The following EIF2B3 variants were observed in gnomAD, a reference collection of about 807,000 sequenced individuals.
EIF2B3 encodes translation initiation factor eIF2B subunit gamma.
EIF2B3 carries 20 observed loss-of-function variants against 54.1 expected under a neutral mutation model. That is an observed-to-expected ratio of 0.37 (90% CI 0.26 to 0.54). EIF2B3 has a LOEUF of 0.54. Ranked by LOEUF, EIF2B3 falls within the 20% of genes least tolerant of loss-of-function variation. EIF2B3 has a pLI of 0.86. For synonymous variants in EIF2B3, 153 were observed against 188.1 expected, an observed-to-expected ratio of 0.81 and a Z score of 1.52; for missense variants, 448 against 547.8, an observed-to-expected ratio of 0.82 and a Z score of 1.82.
intron 3 of EIF2B3, among the ~76,000 whole-genome samples, chr1:44,966,128 T>C (rs1192680766): frequency 6.7e-6 from 1 of 150,222 alleles, no homozygotes; most frequent in Non-Finnish European, 1.5e-5. Context: ...CTCTCAAAAC[T>C]AACAAACCAA....
At chr1:44,854,929 C>G (rs571412695) in intron 11 of EIF2B3, among the ~76,000 whole-genome samples, 1 of 151,838 alleles carries the variant, frequency 6.6e-6, no homozygotes, top group African/African-American at 2.4e-5. Context: ...TTTCCTGAAA[C>G]CCCTTCATGT....
In EIF2B3 at chr1:44,942,394, TA is replaced by T. The variant is rs1557696873; in HGVS notation, c.295-730del. Among the ~76,000 whole-genome samples the T allele has an allele frequency of 6.0e-4, 10 of 16,782 alleles. 1 individual carries two copies. Among genetic ancestry groups the T allele is most frequent in the Admixed American group, 1.3e-3 (2 of 1,520 alleles). The allele number at this position is 16,782 out of a possible 152,430, so 11.0% of individuals were successfully genotyped here. On this transcript the variant is annotated intron_variant, in intron 3 of 11. Coordinates refer to ENST00000360403, the MANE Select transcript of EIF2B3 (RefSeq NM_020365.5). ...TTCTGATTTTATATATATATATATA[TA>T]TATATATATATATATATATATATTT...
At position 44,873,119 on chromosome 1, in the gene EIF2B3, G is replaced by C. The variant is rs77692492; in HGVS notation, c.1202+1559C>G. 4.7e-3 allele frequency among the ~76,000 whole-genome samples: 722 copies of C among 152,302 alleles called. 2 individuals carry two copies. Among genetic ancestry groups the C allele is most frequent in the East Asian group, 7.3e-3 (38 of 5,188 alleles). On this transcript the variant is annotated intron_variant, in intron 10 of 11. Transcript: ENST00000360403. ...TGTCGCTTATTTTTTCCTTTGGAGG[G>C]CTGGTTGTCAACAATTTATCAGCAT... is the stretch of plus-strand genomic sequence containing the variant.
chr1:44,973,373 C>G (rs12125188), intron 3 of EIF2B3, among the ~76,000 whole-genome samples: 43,501 of 152,042 alleles, frequency 0.29, 6,768 homozygotes, highest in African/African-American at 0.38. Flanking sequence ...GCCTTAAAAA[C>G]GAAGTAAATT....
At chr1:44,865,639 T>C (rs947487477) in intron 10 of EIF2B3, among the ~76,000 whole-genome samples, 1 of 152,004 alleles carries the variant, frequency 6.6e-6, no homozygotes, top group East Asian at 1.9e-4. Flanking sequence ...TGGAGTGCAA[T>C]GGCGCGAACT....
At chr1:44,977,061 T>A (rs1644460247) in intron 3 of EIF2B3, among the ~76,000 whole-genome samples, 1 of 152,242 alleles carries the variant, frequency 6.6e-6, no homozygotes, top group African/African-American at 2.4e-5. Flanking sequence ...TTTTTTGTTT[T>A]ATAGTACAAA....
At chr1:44,904,862 G>A (rs767395637) in intron 5 of EIF2B3, among the ~76,000 whole-genome samples, 4 of 152,064 alleles carry the variant, frequency 2.6e-5, no homozygotes, top group Admixed American at 6.6e-5. Context: ...CTTCTCTCCC[G>A]CTAAAAGAAT....
intron 3 of EIF2B3, among the ~76,000 whole-genome samples, chr1:44,956,774 A>G (rs1644230795): frequency 6.6e-6 from 1 of 152,284 alleles, no homozygotes; most frequent in South Asian, 2.1e-4. Context: ...AAAAGGATAA[A>G]ATTAGATTCA....
At position 44,956,279 on chromosome 1, in the gene EIF2B3, C is replaced by T. The variant is rs1028175036; in HGVS notation, c.295-14614G>A. 3.3e-5 allele frequency among the ~76,000 whole-genome samples: 5 copies of T among 152,112 alleles called. No individual in the cohort carries two copies. The East Asian group carries it at 9.6e-4, about 29-fold the overall frequency. ...TAACACAGGAACAGAAAACCAAACA[C>T]TGCATGTTCTCACTCATAAGTGGGA... On this transcript the variant is annotated intron_variant, in intron 3 of 11. Transcript: ENST00000360403.
rs264001 is a variant in EIF2B3, at chr1:44,971,654, G to A, written c.294+6661C>T. ...TTTAGATGGTAGCTAATACAGCTCT[G>A]AGAAGACCACCAAAAATCCCAAGCT... On this transcript the variant is annotated intron_variant, in intron 3 of 11. Coordinates refer to ENST00000360403, the MANE Select transcript of EIF2B3 (RefSeq NM_020365.5). Among the ~76,000 whole-genome samples, 1,029 of 152,238 alleles carry A rather than the reference G, an allele frequency of 6.8e-3. 13 individuals are homozygous for A. Among genetic ancestry groups the A allele is most frequent in the African/African-American group, 0.024 (977 of 41,564 alleles).
At chr1:44,876,298 A>G (rs1655141774) in intron 8 of EIF2B3, among the ~76,000 whole-genome samples, 1 of 149,566 alleles carries the variant, frequency 6.7e-6, no homozygotes, top group East Asian at 2.0e-4. Flanking sequence ...CTAGGAAGTG[A>G]GGAGCGTCTC....
In EIF2B3 at chr1:44,937,235, G is replaced by A. The variant is rs76814113; in HGVS notation, c.454+4271C>T. 3.1e-3 allele frequency: 477 copies of A among 152,310 alleles called. 18 individuals are homozygous for A. The East Asian group carries it at 0.077, about 24-fold the overall frequency. The allele number at this position is 152,310 out of a possible 1,614,324, so 9.4% of individuals were successfully genotyped here. A position where few individuals can be genotyped will look rare whatever the true frequency, so the allele number is the denominator to read the frequency against. On this transcript the variant is annotated intron_variant, in intron 4 of 11. Coordinates refer to ENST00000360403, the MANE Select transcript of EIF2B3 (RefSeq NM_020365.5). ...ATCTTTAGGATTTTAAACTGCTAGT[G>A]CTCAGGTCTATCTTCACTTACCTGG...
chr1:44,913,750 CCT>C (rs1643564759), intron 5 of EIF2B3, among the ~76,000 whole-genome samples: 1 of 151,724 alleles, frequency 6.6e-6, no homozygotes, highest in Non-Finnish European at 1.5e-5. Flanking sequence ...GATCCTCTTG[CCT>C]CTGTCTCCCA....
chr1:44,980,715 G>C (rs1478594276), intron 2 of EIF2B3, among the ~76,000 whole-genome samples: 1 of 151,882 alleles, frequency 6.6e-6, no homozygotes, highest in Non-Finnish European at 1.5e-5. Context: ...AATATTACCT[G>C]GTACATAATA....
At chr1:44,921,898 T>TA (rs1557686564) in intron 5 of EIF2B3, among the ~76,000 whole-genome samples, 6 of 139,132 alleles carry the variant, frequency 4.3e-5, no homozygotes, top group African/African-American at 3.1e-5. Flanking sequence ...ATATATATAT[T>TA]TTTTTATTTT....
intron 5 of EIF2B3, among the ~76,000 whole-genome samples, chr1:44,914,700 C>T (rs899366024): frequency 5.3e-5 from 8 of 151,930 alleles, no homozygotes; most frequent in African/African-American, 1.5e-4. Flanking sequence ...CCCTTCCTTC[C>T]TTTTTTGAGA....
intron 5 of EIF2B3, among the ~76,000 whole-genome samples, chr1:44,924,126 G>C (rs961229216): frequency 2.0e-5 from 3 of 151,850 alleles, no homozygotes; most frequent in Non-Finnish European, 2.9e-5. Flanking sequence ...ATTTTTAGTA[G>C]AGACAGGGTT....
Position 44,941,532 on chromosome 1 carries a change from G to T in EIF2B3, c.428C>A (p.Pro143His), listed in dbSNP as rs770013712. The change falls in exon 4 of 12, where the codon CCC (proline) becomes CAC (histidine). Residue 143 changes from proline (P) to histidine (H), a missense_variant. Pro to His is a moderately conservative substitution (Grantham distance 77). Transcript: ENST00000360403. ...RKGQDSIEPVPGQKGKKKAVE... is the reference protein window; with the variant it reads ...RKGQDSIEPVHGQKGKKKAVE... ...TGCTTTTTTTTTCCCCTTTTGACCG[G>T]GAACAGGTTCTATGCTATCTTGGCC... 1 of 1,607,258 alleles carries T rather than the reference G, an allele frequency of 6.2e-7. No homozygotes were observed. Among genetic ancestry groups the T allele is most frequent in the South Asian group, 1.1e-5 (1 of 89,348 alleles).
chr1:44,888,724 A>G (rs576652075), intron 6 of EIF2B3, among the ~76,000 whole-genome samples: 1 of 152,300 alleles, frequency 6.6e-6, no homozygotes, highest in Admixed American at 6.5e-5. Context: ...CAAGCTGGTA[A>G]TAAATTTTAC....
Sources: allele counts gnomAD v4.1 joint callset (sites outside exome capture counted in the v4.1 genomes callset), GRCh38; gene constraint gnomAD v4.1.1; transcripts MANE v1.5; gene names NCBI Gene and HGNC (gene_info 2026-07-23, HGNC 2026-07-21).